Variants in SLC14A2 observed in about 807,000 individuals in gnomAD.
SLC14A2 encodes the protein urea transporter 2.
Under a neutral mutation model 104.6 loss-of-function variants are expected in SLC14A2, and 91 were observed. That is an observed-to-expected ratio of 0.87 (90% confidence interval 0.73 to 1.04). The LOEUF is 1.04. SLC14A2 is among the 50% of genes least tolerant of loss of function. The pLI is 0.00. For synonymous variants in SLC14A2, 476 were observed against 466.4 expected (o/e 1.02, Z -0.27); for missense variants, 1,189 against 1,156.0 (o/e 1.03, Z -0.41).
chr18:45,605,458 G>C (rs188717606), intron 2 of SLC14A2, among the ~76,000 whole-genome samples: 5 of 152,098 alleles, frequency 3.3e-5, no homozygotes, highest in African/African-American at 1.2e-4. Context: ...GACCTCCCGG[G>C]GGCACAAAGA....
intron 2 of SLC14A2, among the ~76,000 whole-genome samples, chr18:45,527,627 T>A (rs2043613305): frequency 1.3e-5 from 2 of 152,142 alleles, no homozygotes; most frequent in Non-Finnish European, 2.9e-5. Context: ...GAGTCCAAAG[T>A]CTCAGGTTAA....
At chr18:45,531,937 G>T (rs1190995820) in intron 2 of SLC14A2, among the ~76,000 whole-genome samples, 5 of 152,100 alleles carry the variant, frequency 3.3e-5, no homozygotes, top group East Asian at 3.8e-4. Context: ...AGTTTTCCCA[G>T]CACCATTTAT....
intron 1 of SLC14A2, among the ~76,000 whole-genome samples, chr18:45,355,837 T>A (rs1406994500): frequency 6.6e-6 from 1 of 152,014 alleles, no homozygotes; most frequent in Admixed American, 6.6e-5. Context: ...GAGCGGACAG[T>A]CAAGGCAGGC....
chr18:45,472,994 G>C (rs907588429), intron 1 of SLC14A2, among the ~76,000 whole-genome samples: 15 of 152,148 alleles, frequency 9.9e-5, no homozygotes, highest in Admixed American at 9.8e-4. Flanking sequence ...TCTTTCTAGG[G>C]TTTCTGTGGT....
At chr18:45,261,825 G>T (rs2084541526) in intron 1 of SLC14A2, among the ~76,000 whole-genome samples, 1 of 152,142 alleles carries the variant, frequency 6.6e-6, no homozygotes, top group African/African-American at 2.4e-5. Flanking sequence ...CATTTGGGTT[G>T]GTTCCAAGTC....
chr18:45,168,126 T>A, the SLC14A2 span, among the ~76,000 whole-genome samples: 348 of 152,316 alleles, frequency 2.3e-3, 1 homozygote, highest in African/African-American at 8.0e-3. Context: ...TGCTAAATAA[T>A]CCTCTTTTCT....
chr18:45,663,176 G>A (rs1394631880), intron 10 of SLC14A2, among the ~76,000 whole-genome samples: 1 of 152,098 alleles, frequency 6.6e-6, no homozygotes. Flanking sequence ...ATCAGTCTTG[G>A]TTAAGGCCTG....
At chr18:45,549,468 G>T (rs1200824019) in intron 2 of SLC14A2, among the ~76,000 whole-genome samples, 6 of 152,250 alleles carry the variant, frequency 3.9e-5, no homozygotes, top group East Asian at 3.8e-4. Flanking sequence ...ACAGGAGACA[G>T]CTTGTTCAAG....
At chr18:45,330,355 A>G (rs931663124) in intron 1 of SLC14A2, among the ~76,000 whole-genome samples, 2 of 152,174 alleles carry the variant, frequency 1.3e-5, no homozygotes, top group Non-Finnish European at 2.9e-5. Flanking sequence ...CACAGGCAAA[A>G]GAGTGTGGGT....
At chr18:45,357,237 A>ATT (rs56321113) in intron 1 of SLC14A2, among the ~76,000 whole-genome samples, 6,257 of 126,380 alleles carry the variant, frequency 0.05, 513 homozygotes, top group African/African-American at 0.16. Context: ...TTGGGACACA[A>ATT]TTTTTTTTTT....
rs201786462 is a variant in SLC14A2 at position 45,236,277 on chromosome 18, G to A, written c.-125+23086G>A. On this transcript the variant is annotated intron_variant, in intron 1 of 20. Coordinates refer to the SLC14A2 transcript ENST00000586448. ...TATGTGTATATATACATGTATGTGT[G>A]TATATGTGTATATATACATGTATGT... Among the ~76,000 whole-genome samples, 55 of 44,650 alleles carry A rather than the reference G, an allele frequency of 1.2e-3. 7 individuals carry two copies. The highest frequency in any genetic ancestry group is 2.7e-3 in the African/African-American group (21 of 7,860). The allele number at this position is 44,650 out of a possible 152,430, so 29.3% of individuals were successfully genotyped here.
chr18:45,623,054 G>A (rs930581457), intron 1 of SLC14A2, among the ~76,000 whole-genome samples: 2 of 152,118 alleles, frequency 1.3e-5, no homozygotes, highest in African/African-American at 4.8e-5. Flanking sequence ...CAAGAGAGTT[G>A]GAGGAAGTAA....
At chr18:45,547,590 C>T (rs1199632522) in intron 2 of SLC14A2, among the ~76,000 whole-genome samples, 5 of 152,210 alleles carry the variant, frequency 3.3e-5, no homozygotes, top group East Asian at 1.9e-4. Context: ...ATCTGAGTCC[C>T]GGCCAGCCCC....
chr18:45,668,115 A>T, intron 14 of SLC14A2, 93 bp downstream of exon 14: 1 of 1,299,568 alleles, frequency 7.7e-7, no homozygotes, highest in Non-Finnish European at 1.1e-6. Flanking sequence ...AAATCCTCAA[A>T]ATAAGGACAC....
At chr18:45,372,321 A>T (rs1347589773) in intron 1 of SLC14A2, among the ~76,000 whole-genome samples, 3 of 138,062 alleles carry the variant, frequency 2.2e-5, no homozygotes, top group Non-Finnish European at 4.7e-5. Flanking sequence ...AAAAACAATA[A>T]TAATAATAAT....
chr18:45,391,896 G>A (rs574053550), intron 1 of SLC14A2, among the ~76,000 whole-genome samples: 61 of 152,230 alleles, frequency 4.0e-4, no homozygotes, highest in East Asian at 2.5e-3. Flanking sequence ...CTCTGATGGT[G>A]GTTTCTTTTG....
At chr18:45,378,813 G>A (rs1025454051) in intron 1 of SLC14A2, among the ~76,000 whole-genome samples, 2 of 152,094 alleles carry the variant, frequency 1.3e-5, no homozygotes, top group Admixed American at 6.6e-5. Flanking sequence ...GTTTTGCCAT[G>A]TTGGCCAGGT....
At chr18:45,197,770 A>C in the SLC14A2 span, among the ~76,000 whole-genome samples, 2 of 152,216 alleles carry the variant, frequency 1.3e-5, no homozygotes, top group African/African-American at 4.8e-5. Flanking sequence ...TCATGTTGAA[A>C]ATGAAATTCC....
upstream of SLC14A2, among the ~76,000 whole-genome samples, chr18:45,210,872 G>A (rs1293072580): frequency 6.6e-6 from 1 of 152,194 alleles, no homozygotes; most frequent in East Asian, 1.9e-4. Flanking sequence ...ATTCATTCAT[G>A]TTAGGCTTTA....
Sources: gnomAD v4.1 joint callset for allele counts (sites outside exome capture counted in the v4.1 genomes callset) on GRCh38, gnomAD v4.1.1 for gene constraint, MANE v1.5 for transcripts, NCBI Gene and HGNC (gene_info 2026-07-23, HGNC 2026-07-21) for gene names.